The following DGKH variants were observed in gnomAD, a reference collection of about 807,000 sequenced individuals.
DGKH encodes the protein DAG kinase eta.
Under a neutral mutation model 159.3 loss-of-function variants are expected in DGKH, and 90 were observed. That is an observed-to-expected ratio of 0.57 (90% CI 0.48 to 0.67). The LOEUF is 0.67. Among genes scored for constraint, DGKH ranks in the 30% least tolerant of loss-of-function variants. The pLI is 0.00. For missense variants in DGKH, 1,181 were observed against 1,506.1 expected, an observed-to-expected ratio of 0.78 and a Z score of 3.57; for synonymous variants, 536 against 553.8, an observed-to-expected ratio of 0.97 and a Z score of 0.45.
chr13:42,121,273 A>G (rs1955066173), intron 1 of DGKH, among the ~76,000 whole-genome samples: 2 of 152,328 alleles, frequency 1.3e-5, no homozygotes, highest in Admixed American at 6.5e-5. Context: ...GAGATATTCA[A>G]TACTTTATTA....
chr13:42,190,551 T>C (rs756309055), intron 16 of DGKH, 26 bp downstream of exon 16: 3 of 1,560,104 alleles, frequency 1.9e-6, no homozygotes, highest in Non-Finnish European at 2.6e-6. Context: ...AAAAATTATT[T>C]TGGAATTAAA....
chr13:42,227,500 A>G (rs1274979919), intron 29 of DGKH, among the ~76,000 whole-genome samples: 2 of 152,170 alleles, frequency 1.3e-5, no homozygotes, highest in Non-Finnish European at 2.9e-5. Context: ...ATTCCACTCA[A>G]AAAATCTAAA....
chr13:42,178,209 A>G lies in DGKH; in HGVS notation c.1527A>G (p.Ile509Met). Residue 509 changes from isoleucine (I) to methionine (M), a missense_variant, in exon 13 of 30, where the codon ATA becomes ATG. By Grantham distance (10) the Ile-to-Met change is conservative. Coordinates refer to ENST00000337343, the MANE Select transcript of DGKH (RefSeq NM_178009.5). ...ILNSDEHAVV[I>M]SSAKTLCETV... The stretch of plus-strand genomic sequence containing the variant: ...ATTCTGATGAACATGCAGTGGTCAT[A>G]TCTTCTGCCAAGTGAGTTGTGGGTT... The G allele has an allele frequency of 6.3e-7, 1 of 1,594,658 alleles. No homozygotes were observed. The highest frequency in any genetic ancestry group is 1.1e-5 in the South Asian group (1 of 87,850).
At chr13:42,049,524 C>T (rs552248160) in intron 1 of DGKH, among the ~76,000 whole-genome samples, 1 of 152,360 alleles carries the variant, frequency 6.6e-6, no homozygotes, top group Non-Finnish European at 1.5e-5. Context: ...TCAGCCTTTC[C>T]TGCCCCTCTG....
At chr13:42,163,367 G>A (rs1354684117) in intron 7 of DGKH, among the ~76,000 whole-genome samples, 1 of 152,130 alleles carries the variant, frequency 6.6e-6, no homozygotes, top group African/African-American at 2.4e-5. Context: ...TAGTCTTTGG[G>A]TATATACCCA....
rs746775394 is a variant in DGKH, at chr13:42,155,687, A to T, written c.510A>T (p.Glu170Asp). 2.5e-6 allele frequency: 4 copies of T among 1,614,000 alleles called. No individual in the cohort carries two copies. In the African/African-American group the frequency reaches 5.3e-5, roughly 22 times the overall value. The change falls in exon 5 of 30, where the codon GAA (glutamate) becomes GAT (aspartate). Residue 170 changes from glutamate to aspartate, a missense_variant. This residue lies in a region of DGKH where 369 missense variants were observed against 519.4 expected (regional missense o/e 0.71). Coordinates refer to ENST00000337343, the MANE Select transcript of DGKH (RefSeq NM_178009.5). ...EPYEVAQFNV[E>D]HFSGMHNWYA... ...TCTAGGTGGCCCAGTTTAATGTGGA[A>T]CATTTCTCAGGGATGCACAACTGGT... is the stretch of plus-strand genomic sequence containing the variant.
intron 1 of DGKH, among the ~76,000 whole-genome samples, chr13:42,054,655 A>G (rs1161192394): frequency 2.0e-5 from 3 of 152,230 alleles, no homozygotes; most frequent in Non-Finnish European, 2.9e-5. Context: ...TCTGGAGAAT[A>G]GAATAAATTC....
At chr13:42,219,867 C>A in intron 28 of DGKH, 73 bp downstream of exon 28, 1 of 1,399,730 alleles carries the variant, frequency 7.1e-7, no homozygotes, top group South Asian at 1.2e-5. Context: ...TCATGGAGGT[C>A]GTGAAAATGT....
At chr13:42,062,473 C>G (rs1593969369) in intron 1 of DGKH, among the ~76,000 whole-genome samples, 1 of 152,098 alleles carries the variant, frequency 6.6e-6, no homozygotes, top group South Asian at 2.1e-4. Context: ...TCCCGGGTAG[C>G]CAGAGCAGCA....
At chr13:42,095,821 T>A (rs1036388267) in intron 1 of DGKH, among the ~76,000 whole-genome samples, 6 of 152,250 alleles carry the variant, frequency 3.9e-5, no homozygotes, top group African/African-American at 1.4e-4. Context: ...ACTTGTTCAC[T>A]AGTTGGGAAG....
Position 42,123,593 on chromosome 13 carries a change from A to G in DGKH, c.193-3870A>G, listed in dbSNP as rs566847847. On this transcript the variant is annotated intron_variant, in intron 1 of 29. Transcript: ENST00000337343. ...AAGAAATATTTGCAAATCACATATT[A>G]GATAAATATCTTGCATCCAGAATAT... 3.9e-5 allele frequency among the ~76,000 whole-genome samples: 6 copies of G among 152,344 alleles called. 1 individual carries two copies. In the South Asian group the frequency reaches 1.2e-3, roughly 32 times the overall value.
chr13:42,146,828 G>T (rs886465773), intron 3 of DGKH, among the ~76,000 whole-genome samples: 6 of 152,216 alleles, frequency 3.9e-5, no homozygotes, highest in African/African-American at 1.4e-4. Flanking sequence ...GTAGCTGGGG[G>T]CAGGCTTAGG....
At chr13:42,063,640 G>A (rs1181789128) in intron 1 of DGKH, among the ~76,000 whole-genome samples, 2 of 152,124 alleles carry the variant, frequency 1.3e-5, no homozygotes, top group African/African-American at 4.8e-5. Flanking sequence ...GACTTTTTTA[G>A]GAGAAAGACT....
chr13:42,109,628 C>A (rs1483961060), intron 1 of DGKH, among the ~76,000 whole-genome samples: 4 of 152,066 alleles, frequency 2.6e-5, no homozygotes, highest in Admixed American at 1.3e-4. Flanking sequence ...AGTAGAGAAC[C>A]CATGTGCAGC....
At chr13:42,213,873 G>A (rs1041601646) in intron 24 of DGKH, among the ~76,000 whole-genome samples, 5 of 152,226 alleles carry the variant, frequency 3.3e-5, no homozygotes, top group African/African-American at 1.2e-4. Flanking sequence ...GTCTTTTCAG[G>A]ACTATTCTTA....
intron 29 of DGKH, among the ~76,000 whole-genome samples, chr13:42,249,765 C>G (rs1220987456): frequency 6.6e-6 from 1 of 152,176 alleles, no homozygotes; most frequent in African/African-American, 2.4e-5. Context: ...CAATGATTAG[C>G]TGAATGTCTA....
chr13:42,090,214 T>C (rs1954389971), intron 1 of DGKH, among the ~76,000 whole-genome samples: 1 of 152,142 alleles, frequency 6.6e-6, no homozygotes, highest in South Asian at 2.1e-4. Context: ...TATGAATAAA[T>C]TTTAAAAAAC....
At chr13:42,200,736 A>G (rs73188933) in intron 20 of DGKH, among the ~76,000 whole-genome samples, 13,801 of 152,270 alleles carry the variant, frequency 0.091, 713 homozygotes, top group Middle Eastern at 0.12. Context: ...TTTAAAAACT[A>G]TATTTCCTAG....
At chr13:42,165,541 G>C (rs1233957639) in intron 8 of DGKH, 108 bp downstream of exon 8, 2 of 542,302 alleles carry the variant, frequency 3.7e-6, no homozygotes, top group African/African-American at 3.9e-5. Flanking sequence ...ATTGTAGTCA[G>C]TTTTTCTAAA....
Sources: allele counts gnomAD v4.1 joint callset (sites outside exome capture counted in the v4.1 genomes callset), GRCh38; gene constraint gnomAD v4.1.1; regional missense constraint gnomAD v4.1.1; transcripts MANE v1.5; gene names NCBI Gene and HGNC (gene_info 2026-07-23, HGNC 2026-07-21).